The following C20orf96 variants were observed in gnomAD, a reference collection of about 807,000 sequenced individuals.
C20orf96 encodes chromosome 20 open reading frame 96, also known as uncharacterized protein C20orf96.
A neutral mutation model predicts 52.6 loss-of-function variants in C20orf96; 57 were observed. The observed-to-expected ratio is 1.08, with a 90% CI of 0.88 to 1.35. C20orf96 has a LOEUF of 1.35. Ranked by LOEUF, C20orf96 falls within the 40% of genes most tolerant of loss-of-function variation. The probability of loss-of-function intolerance (pLI) is 0.00; values close to 1 mark genes in which losing one functional copy is unlikely to be tolerated. For synonymous variants in C20orf96, 168 were observed against 157.2 expected, an observed-to-expected ratio of 1.07 and a Z score of -0.51; for missense variants, 478 against 443.6, an observed-to-expected ratio of 1.08 and a Z score of -0.70.
At chr20:287,926 A>AAAAAAAAAAAT in intron 3 of C20orf96, among the ~76,000 whole-genome samples, 1 of 150,314 alleles carries the variant, frequency 6.7e-6, no homozygotes, top group Non-Finnish European at 1.5e-5. Context: ...AAAAAAAAAA[A>AAAAAAAAAAAT]AAAAGTCTTT....
rs767355858 is a variant in C20orf96, at chr20:279,206, A to G, written c.431T>C (p.Val144Ala). ...GTCCTGCTGCTGCAGCAGGGCCCGC[A>G]CGTGCAGGGTCGTGCTGTTCTCCAT... is the stretch of plus-strand genomic sequence containing the variant. ...QEMENSTTLHVRALLQQQDTL... is the reference protein window; with the variant it reads ...QEMENSTTLHARALLQQQDTL... The change falls in exon 5 of 11, where the codon GTG (valine) becomes GCG (alanine). Residue 144 changes from valine (V) to alanine (A), a missense_variant. Coordinates refer to ENST00000360321, the MANE Select transcript of C20orf96 (RefSeq NM_153269.3). 2 of 1,606,742 alleles carry G rather than the reference A, an allele frequency of 1.2e-6. No homozygotes were observed. The highest frequency in any genetic ancestry group is 1.7e-5 in the Admixed American group (1 of 59,676).
chr20:280,913 G>T (rs1461637449), intron 4 of C20orf96, among the ~76,000 whole-genome samples: 1 of 152,146 alleles, frequency 6.6e-6, no homozygotes, highest in Non-Finnish European at 1.5e-5. Context: ...CCAACACTTT[G>T]CGAGGCCCAG....
At chr20:287,908 C>CAGAAAAAAA (rs2012427687) in intron 3 of C20orf96, among the ~76,000 whole-genome samples, 2 of 63,084 alleles carry the variant, frequency 3.2e-5, no homozygotes, top group African/African-American at 1.1e-4. Flanking sequence ...GACTCCTTCT[C>CAGAAAAAAA]AAAAAAAAAA....
chr20:285,060 G>A (rs564509313), intron 3 of C20orf96, among the ~76,000 whole-genome samples: 2 of 152,288 alleles, frequency 1.3e-5, no homozygotes, highest in African/African-American at 4.8e-5. Context: ...AATAGTGCCT[G>A]ATGCATATTC....
At chr20:289,872 G>A (rs2012493762) in intron 2 of C20orf96, among the ~76,000 whole-genome samples, 196 bp from the exon 3 acceptor site, 2 of 152,098 alleles carry the variant, frequency 1.3e-5, no homozygotes, top group African/African-American at 4.8e-5. Flanking sequence ...TGAAGCATGT[G>A]GTAAGTGCTC....
At chr20:278,533 G>A (rs2012104614) in intron 5 of C20orf96, 104 bp from the exon 6 acceptor site, 1 of 811,486 alleles carries the variant, frequency 1.2e-6, no homozygotes, top group Non-Finnish European at 2.2e-6. Flanking sequence ...CTCACTCCCA[G>A]AAACCTGACC....
At chr20:271,498 T>C (rs2011840715) in intron 10 of C20orf96, among the ~76,000 whole-genome samples, 1 of 145,630 alleles carries the variant, frequency 6.9e-6, no homozygotes, top group African/African-American at 2.5e-5. Context: ...ACATCAAAAA[T>C]GGAAAAGAAA....
intron 10 of C20orf96, among the ~76,000 whole-genome samples, chr20:271,615 T>C (rs79344516): frequency 0.048 from 7,319 of 152,050 alleles, 225 homozygotes; most frequent in South Asian, 0.075. Context: ...GGCTTTGGAG[T>C]GAGGATGACA....
chr20:289,771 T>G lies in C20orf96; in HGVS notation c.70-95A>C, dbSNP rs566824606. The G allele has an allele frequency of 5.2e-6, 5 of 952,468 alleles. No homozygotes were observed. The South Asian group carries it at 5.4e-5, about 10-fold the overall frequency. The allele number at this position is 952,468 out of a possible 1,614,324, so 59.0% of individuals were successfully genotyped here. A position where few individuals can be genotyped will look rare whatever the true frequency, so the allele number is the denominator to read the frequency against. ...GTGACCCCAAGCAAGTGACTTGACC[T>G]CTCCTGAGCCTCAATCTTCTCATCT... On this transcript the variant is annotated intron_variant, in intron 2 of 10. Transcript: ENST00000360321.
chr20:277,904 G>C (rs1423099038), intron 6 of C20orf96, among the ~76,000 whole-genome samples: 1 of 152,180 alleles, frequency 6.6e-6, no homozygotes, highest in East Asian at 1.9e-4. Flanking sequence ...CAGGATGGAA[G>C]CCAGGAGACC....
intron 3 of C20orf96, among the ~76,000 whole-genome samples, chr20:288,341 G>A (rs1446603956): frequency 2.0e-5 from 3 of 152,092 alleles, no homozygotes; most frequent in African/African-American, 7.2e-5. Context: ...TGTTGGCAGT[G>A]TCCAGCAGGT....
Position 275,896 on chromosome 20 carries a change from C to T in C20orf96, c.1031+72G>A, listed in dbSNP as rs558772424. 1.0e-4 allele frequency: 151 copies of T among 1,449,422 alleles called. 1 individual carries two copies. The African/African-American group carries it at 1.4e-3, about 14-fold the overall frequency. 89.8% of individuals were successfully genotyped at this position (1,449,422 alleles called of 1,614,324 possible). On this transcript the variant is annotated intron_variant, in intron 10 of 10. Coordinates refer to ENST00000360321, the MANE Select transcript of C20orf96 (RefSeq NM_153269.3). ...CTGCCATCCACACCAGGCTGCCTTC[C>T]CCAAGAACAGAGAGCCTCCGTGAGC...
intron 3 of C20orf96, among the ~76,000 whole-genome samples, chr20:284,356 G>A (rs6082056): frequency 0.26 from 38,937 of 152,170 alleles, 5,847 homozygotes; most frequent in East Asian, 0.37. Context: ...CAGGAACCCC[G>A]CTCTCAAATG....
chr20:280,923 G>A (rs1325386738), intron 4 of C20orf96, among the ~76,000 whole-genome samples: 2 of 152,212 alleles, frequency 1.3e-5, no homozygotes, highest in African/African-American at 2.4e-5. Flanking sequence ...GCGAGGCCCA[G>A]ATGGGAGGAT....
In C20orf96 at chr20:277,118, G is replaced by A. The variant is rs573549117; in HGVS notation, c.751C>T (p.Arg251Cys). The stretch of plus-strand genomic sequence containing the variant: ...GACAAGGATTCCAGGACCTTTCTGC[G>A]CATCTCACCGAGGTCATCCAGCTCA... ...QDELDDLGEMRRKVLESLSDK... is the reference protein window; with the variant it reads ...QDELDDLGEMCRKVLESLSDK... The change falls in exon 8 of 11, where the codon CGC becomes TGC. Residue 251 changes from arginine to cysteine, a missense_variant. Physicochemically the swap from Arg to Cys is radical, Grantham distance 180 (BLOSUM62 -3). Transcript: ENST00000360321. The A allele has an allele frequency of 1.1e-5, 17 of 1,613,692 alleles. No homozygotes were observed. Among genetic ancestry groups the A allele is most frequent in the East Asian group, 2.2e-5 (1 of 44,876 alleles).
At position 290,251 on chromosome 20, in the gene C20orf96, A is replaced by G. The variant is rs2012503619; in HGVS notation, c.69+8T>C. The G allele has an allele frequency of 1.9e-6, 3 of 1,610,514 alleles. No individual in the cohort carries two copies. Among genetic ancestry groups the G allele is most frequent in the African/African-American group, 1.3e-5 (1 of 74,864 alleles). ...CTCCCACCCCAGCCCTAGTCCCCCA[A>G]GACTCACCGGAACCTGGAACTCCTG... On this transcript the variant is annotated splice_region_variant and intron_variant, in intron 2 of 10. Coordinates refer to ENST00000360321, the MANE Select transcript of C20orf96 (RefSeq NM_153269.3).
In C20orf96 at chr20:276,289, G is replaced by C; in HGVS notation, c.913-203C>G. On this transcript the variant is annotated intron_variant, in intron 9 of 10. Transcript: ENST00000360321. ...GTTAGTGACAATATTCAGTGGTGCT[G>C]AAACAGGTGAGGGATCATGGAGAAT... The C allele has an allele frequency of 3.0e-6, 3 of 985,442 alleles. No homozygotes were observed. In the South Asian group the frequency reaches 1.4e-4, roughly 46 times the overall value. The allele number at this position is 985,442 out of a possible 1,614,324, so 61.0% of individuals were successfully genotyped here.
At chr20:276,654 G>C in intron 9 of C20orf96, 139 bp downstream of exon 9, 1 of 1,477,692 alleles carries the variant, frequency 6.8e-7, no homozygotes. Flanking sequence ...TAATGGCACC[G>C]GCAAGGAGGG....
In C20orf96 at chr20:290,563, ATTTTTT is replaced by A. The variant is rs750461479; in HGVS notation, c.20+22_20+27del. The A allele has an allele frequency of 2.0e-5, 26 of 1,309,550 alleles. No individual in the cohort carries two copies. The African/African-American group carries it at 4.4e-4, about 22-fold the overall frequency. The allele number at this position is 1,309,550 out of a possible 1,614,324, so 81.1% of individuals were successfully genotyped here. A position where few individuals can be genotyped will look rare whatever the true frequency, so the allele number is the denominator to read the frequency against. ...GCATGCGTATTCCGCCTTTCTTCCA[ATTTTTT>A]TTTTTTTTTTTTTTTACCTACTTTT... On this transcript the variant is annotated intron_variant, in intron 1 of 10. Transcript: ENST00000360321.
Sources: gnomAD v4.1 joint callset for allele counts (sites outside exome capture counted in the v4.1 genomes callset) on GRCh38, gnomAD v4.1.1 for gene constraint, MANE v1.5 for transcripts, NCBI Gene and HGNC (gene_info 2026-07-23, HGNC 2026-07-21) for gene names.